Variants in GHR observed in about 807,000 individuals in gnomAD.
GHR encodes GH receptor.
Under a neutral mutation model 67.1 loss-of-function variants are expected in GHR, and 35 were observed. The ratio of observed to expected loss-of-function variants is 0.52; its 90% confidence interval spans 0.40 to 0.69. The LOEUF (loss-of-function observed/expected upper bound fraction) is 0.69, where lower values mean the gene tolerates loss of function less well. Ranked by LOEUF, GHR falls within the 30% of genes least tolerant of loss-of-function variation. The probability of loss-of-function intolerance (pLI) is 0.00; values close to 1 mark genes in which losing one functional copy is unlikely to be tolerated. For missense variants in GHR, 792 were observed against 764.6 expected (o/e 1.04, Z -0.42); for synonymous variants, 272 against 269.1 (o/e 1.01, Z -0.10).
chr5:42,567,767 C>CTG (rs68150223), intron 2 of GHR, among the ~76,000 whole-genome samples: 10,911 of 140,680 alleles, frequency 0.078, 560 homozygotes, highest in South Asian at 0.17. Flanking sequence ...ATGCTTGGCT[C>CTG]TGTGTGTGTG....
intron 6 of GHR, among the ~76,000 whole-genome samples, chr5:42,703,398 TTTACA>T (rs763255423): frequency 2.0e-5 from 3 of 152,006 alleles, no homozygotes; most frequent in Middle Eastern, 3.2e-3. Context: ...ACTTTATTCT[TTTACA>T]TTGGTTTATG....
chr5:42,714,703 C>G (rs1019870255), intron 8 of GHR, among the ~76,000 whole-genome samples: 64 of 152,114 alleles, frequency 4.2e-4, no homozygotes, highest in Non-Finnish European at 2.9e-5. Context: ...TTCCTGTTTT[C>G]CAAAAAAGCA....
intron 2 of GHR, among the ~76,000 whole-genome samples, chr5:42,580,303 AT>A (rs965931485): frequency 2.0e-5 from 3 of 152,196 alleles, no homozygotes; most frequent in Admixed American, 2.0e-4. Flanking sequence ...AACAAAAGAG[AT>A]AAAAACCTCT....
chr5:42,584,143 AT>A (rs1039735936), intron 2 of GHR, among the ~76,000 whole-genome samples: 27 of 151,576 alleles, frequency 1.8e-4, no homozygotes, highest in African/African-American at 6.5e-4. Flanking sequence ...ACCCTTATGT[AT>A]TTTTTTTAAT....
intron 1 of GHR, among the ~76,000 whole-genome samples, chr5:42,496,155 G>A (rs2972393): frequency 0.44 from 66,940 of 151,960 alleles, 15,265 homozygotes; most frequent in African/African-American, 0.51. Context: ...ATGCAATTGG[G>A]AACCTCTCTA....
At chr5:42,492,967 G>A (rs567090782) in intron 1 of GHR, among the ~76,000 whole-genome samples, 33 of 152,350 alleles carry the variant, frequency 2.2e-4, no homozygotes, top group African/African-American at 7.7e-4. Flanking sequence ...ATCAGAGAAT[G>A]TAAGAAATAG....
In GHR at chr5:42,624,385, T is replaced by A. The variant is rs552307687; in HGVS notation, c.71-4653T>A. Among the ~76,000 whole-genome samples the A allele has an allele frequency of 9.8e-5, 15 of 152,320 alleles. No individual in the cohort carries two copies. The South Asian group carries it at 3.1e-3, about 32-fold the overall frequency. ...TACTGCTGATGTTAGGCCTGGAAAT[T>A]GTCATCCATTAGTTTTCTCAGATTC... is the stretch of plus-strand genomic sequence containing the variant. On this transcript the variant is annotated intron_variant, in intron 2 of 9. Coordinates refer to ENST00000230882, the MANE Select transcript of GHR (RefSeq NM_000163.5).
At chr5:42,459,884 C>A (rs909452551) in intron 1 of GHR, among the ~76,000 whole-genome samples, 1 of 152,150 alleles carries the variant, frequency 6.6e-6, no homozygotes. Context: ...GCTTTAGACA[C>A]CATGGTTCAA....
chr5:42,532,802 C>G (rs537091340), intron 1 of GHR, among the ~76,000 whole-genome samples: 2 of 152,124 alleles, frequency 1.3e-5, no homozygotes, highest in South Asian at 4.2e-4. Context: ...TATATTACTC[C>G]ATCTTATGAA....
At chr5:42,587,123 A>T (rs1290427563) in intron 2 of GHR, among the ~76,000 whole-genome samples, 1 of 151,940 alleles carries the variant, frequency 6.6e-6, no homozygotes, top group Non-Finnish European at 1.5e-5. Flanking sequence ...TTTAAACAGG[A>T]TCTCTATTAT....
At chr5:42,453,880 C>T (rs12522222) in intron 1 of GHR, among the ~76,000 whole-genome samples, 2,811 of 152,286 alleles carry the variant, frequency 0.018, 151 homozygotes, top group East Asian at 0.11. Flanking sequence ...TAGGTGCAGA[C>T]TTTCCCTACT....
intron 1 of GHR, among the ~76,000 whole-genome samples, chr5:42,444,942 A>G (rs533746269): frequency 1.1e-4 from 16 of 152,252 alleles, no homozygotes; most frequent in Admixed American, 7.9e-4. Flanking sequence ...GTCTTACTGT[A>G]TGTGGCCTGA....
chr5:42,454,284 G>C lies in GHR; in HGVS notation c.-12+30329G>C, dbSNP rs1466333842. Among the ~76,000 whole-genome samples the C allele has an allele frequency of 3.3e-5, 5 of 152,352 alleles. No individual in the cohort carries two copies. In the East Asian group the frequency reaches 9.6e-4, roughly 29 times the overall value. On this transcript the variant is annotated intron_variant, in intron 1 of 9. Transcript: ENST00000230882. Reference sequence around the variant, plus strand: ...GCTTTCTCAAATGCTAGTTATGCTAGTATTGAAGTTGCCACGTGGACAGAC... The same window carrying C: ...GCTTTCTCAAATGCTAGTTATGCTACTATTGAAGTTGCCACGTGGACAGAC...
chr5:42,476,652 A>T (rs1745337002), intron 1 of GHR, among the ~76,000 whole-genome samples: 1 of 152,234 alleles, frequency 6.6e-6, no homozygotes, highest in South Asian at 2.1e-4. Context: ...CTACTACTTT[A>T]TGTAATTATA....
chr5:42,595,428 G>A (rs62371989), intron 2 of GHR, among the ~76,000 whole-genome samples: 1,647 of 152,272 alleles, frequency 0.011, 19 homozygotes, highest in Non-Finnish European at 0.016. Flanking sequence ...TGGCCACCAG[G>A]AAGACAGGAG....
rs190456455 is a variant in GHR at position 42,542,166 on chromosome 5, C to A, written c.-11-23698C>A. 1.2e-3 allele frequency among the ~76,000 whole-genome samples: 190 copies of A among 152,206 alleles called. 1 individual carries two copies. The highest frequency in any genetic ancestry group is 4.1e-3 in the African/African-American group (171 of 41,532). On this transcript the variant is annotated intron_variant, in intron 1 of 9. Transcript: ENST00000230882. ...TAAGTGGTTGGGAAAATGAAGAGAA[C>A]ACAGTGAAGTTGACCAGGATGAAGT...
intron 1 of GHR, among the ~76,000 whole-genome samples, chr5:42,513,568 A>T (rs1346030267): frequency 1.1e-4 from 16 of 152,168 alleles, no homozygotes; most frequent in Non-Finnish European, 1.6e-4. Flanking sequence ...TGGGCCGATC[A>T]CCTGAGGAGT....
intron 1 of GHR, among the ~76,000 whole-genome samples, chr5:42,517,108 T>C (rs192706801): frequency 1.3e-5 from 2 of 152,366 alleles, no homozygotes; most frequent in Non-Finnish European, 2.9e-5. Flanking sequence ...TTTATTATTT[T>C]AAAACTCCTC....
chr5:42,680,196 G>C lies in GHR; in HGVS notation c.137-8694G>C, dbSNP rs116181423. On this transcript the variant is annotated intron_variant, in intron 3 of 9. Coordinates refer to ENST00000230882, the MANE Select transcript of GHR (RefSeq NM_000163.5). Reference sequence around the variant, plus strand: ...GGAACATTATGGTTTCACCACAGTTGGCCTGGCCAACGTGCTTATGCAGTC... The same window carrying C: ...GGAACATTATGGTTTCACCACAGTTCGCCTGGCCAACGTGCTTATGCAGTC... Among the ~76,000 whole-genome samples the C allele has an allele frequency of 9.6e-3, 1,468 of 152,266 alleles. 27 individuals are homozygous for C. Among genetic ancestry groups the C allele is most frequent in the African/African-American group, 0.033 (1,376 of 41,542 alleles).
Sources: gnomAD v4.1 joint callset for allele counts (sites outside exome capture counted in the v4.1 genomes callset) on GRCh38, gnomAD v4.1.1 for gene constraint, MANE v1.5 for transcripts, NCBI Gene and HGNC (gene_info 2026-07-23, HGNC 2026-07-21) for gene names.